Variants in RNF125 observed in about 807,000 individuals in gnomAD.
RNF125 encodes the protein ring finger protein 125.
A neutral mutation model predicts 26.0 loss-of-function variants in RNF125; 21 were observed. The ratio of observed to expected loss-of-function variants is 0.81; its 90% CI spans 0.57 to 1.16. The LOEUF (loss-of-function observed/expected upper bound fraction) is 1.16, where lower values mean the gene tolerates loss of function less well. Among genes scored for constraint, RNF125 ranks in the 50% most tolerant of loss-of-function variants. The pLI is 0.00. For synonymous variants in RNF125, 95 were observed against 109.2 expected, an observed-to-expected ratio of 0.87 and a Z score of 0.81; for missense variants, 270 against 299.4, an observed-to-expected ratio of 0.90 and a Z score of 0.72.
chr18:32,023,921 A>T (rs570021656), intron 1 of RNF125, among the ~76,000 whole-genome samples: 1 of 152,156 alleles, frequency 6.6e-6, no homozygotes, highest in Non-Finnish European at 1.5e-5. Context: ...CAAAAGAGAA[A>T]ACCATATTTT....
intron 1 of RNF125, among the ~76,000 whole-genome samples, chr18:32,021,271 G>A (rs527815649): frequency 5.9e-5 from 9 of 152,270 alleles, no homozygotes; most frequent in Non-Finnish European, 1.2e-4. Flanking sequence ...TAGTAGAGAC[G>A]GGGTTTCACC....
In RNF125 at chr18:32,069,891, GCA is replaced by G. The variant is rs1481372860; in HGVS notation, c.*1510_*1511del. On this transcript the variant is annotated 3_prime_UTR_variant, in exon 6 of 6. Transcript: ENST00000217740. ...GATTGCACACTCATGGCACGGTTCA[GCA>G]CATTGCCCTGTCCTCTCGATATTAG... is the stretch of plus-strand genomic sequence containing the variant. 6.6e-6 allele frequency: 1 copy of G among 152,098 alleles called. No individual in the cohort carries two copies. The highest frequency in any genetic ancestry group is 2.4e-5 in the African/African-American group (1 of 41,390). The allele number at this position is 152,098 out of a possible 1,614,324, so 9.4% of individuals were successfully genotyped here. A position where few individuals can be genotyped will look rare whatever the true frequency, so the allele number is the denominator to read the frequency against.
chr18:32,027,813 G>A (rs539412817), intron 1 of RNF125, among the ~76,000 whole-genome samples: 4 of 152,066 alleles, frequency 2.6e-5, no homozygotes, highest in South Asian at 2.1e-4. Flanking sequence ...ATGCATATGG[G>A]CGTGGGAGTC....
intron 1 of RNF125, among the ~76,000 whole-genome samples, chr18:32,036,710 G>A (rs2039159644): frequency 6.6e-6 from 1 of 151,722 alleles, no homozygotes; most frequent in Non-Finnish European, 1.5e-5. Context: ...TAATGTGTCT[G>A]GTATTTTTAC....
chr18:32,034,258 C>A (rs2039128366), intron 1 of RNF125, among the ~76,000 whole-genome samples: 1 of 152,152 alleles, frequency 6.6e-6, no homozygotes, highest in Admixed American at 6.6e-5. Flanking sequence ...GCAAGTTTAA[C>A]AGACAACCTC....
intron 4 of RNF125, among the ~76,000 whole-genome samples, chr18:32,062,369 C>T (rs1326367440): frequency 3.3e-5 from 5 of 152,208 alleles, no homozygotes; most frequent in African/African-American, 2.4e-5. Context: ...TTGGTCTCAG[C>T]TCTGTTCTCA....
rs1327135323 is a variant in RNF125 at position 32,069,545 on chromosome 18, T to C, written c.*1161T>C. ...CAAAATTTATAGCTGAATGCCTTAT[T>C]ATAAGGAAATACTCTTTTAGGACTC... is the stretch of plus-strand genomic sequence containing the variant. On this transcript the variant is annotated 3_prime_UTR_variant, in exon 6 of 6. Coordinates refer to ENST00000217740, the MANE Select transcript of RNF125 (RefSeq NM_017831.4). The C allele has an allele frequency of 1.3e-5, 2 of 152,262 alleles. No individual in the cohort carries two copies. The highest frequency in any genetic ancestry group is 1.9e-4 in the East Asian group (1 of 5,188). The allele number at this position is 152,262 out of a possible 1,614,324, so 9.4% of individuals were successfully genotyped here.
chr18:32,061,516 C>T (rs940671758), intron 4 of RNF125, among the ~76,000 whole-genome samples: 1 of 152,198 alleles, frequency 6.6e-6, no homozygotes, highest in Non-Finnish European at 1.5e-5. Context: ...TCCCCTACCA[C>T]TTCCCCAACT....
intron 4 of RNF125, among the ~76,000 whole-genome samples, chr18:32,055,056 G>A (rs1023746923): frequency 2.0e-5 from 3 of 152,030 alleles, no homozygotes; most frequent in Non-Finnish European, 4.4e-5. Flanking sequence ...CAGCACTTTG[G>A]GAGGCCGAGC....
chr18:32,047,608 AC>A (rs1250117815), intron 4 of RNF125, among the ~76,000 whole-genome samples: 2 of 152,230 alleles, frequency 1.3e-5, no homozygotes, highest in Non-Finnish European at 2.9e-5. Context: ...CCCTGGCTCA[AC>A]AAATATAAAA....
chr18:32,059,973 CAGG>C (rs918061239), intron 4 of RNF125, among the ~76,000 whole-genome samples: 28 of 152,242 alleles, frequency 1.8e-4, no homozygotes, highest in African/African-American at 6.7e-4. Flanking sequence ...CAGCCTTGGT[CAGG>C]AGATCTTTCC....
intron 4 of RNF125, among the ~76,000 whole-genome samples, chr18:32,062,544 C>T (rs1383607458): frequency 6.6e-6 from 1 of 151,972 alleles, no homozygotes; most frequent in East Asian, 1.9e-4. Flanking sequence ...CGAAGTTGAG[C>T]AAAATTCAGA....
At chr18:32,026,608 G>C (rs1615911) in intron 1 of RNF125, among the ~76,000 whole-genome samples, 1 of 151,898 alleles carries the variant, frequency 6.6e-6, no homozygotes, top group Admixed American at 6.6e-5. Context: ...TTTTTCCCCA[G>C]ACCCTCCCAG....
intron 4 of RNF125, among the ~76,000 whole-genome samples, chr18:32,055,755 C>T (rs907491739): frequency 2.0e-5 from 3 of 151,610 alleles, no homozygotes; most frequent in Non-Finnish European, 2.9e-5. Context: ...CCAAGGTGGG[C>T]GGATCACCTG....
At chr18:32,063,560 C>T (rs764726235) in intron 4 of RNF125, among the ~76,000 whole-genome samples, 1 of 152,186 alleles carries the variant, frequency 6.6e-6, no homozygotes, top group Non-Finnish European at 1.5e-5. Context: ...ACCAGGCAAT[C>T]ACACTCCTGA....
downstream of RNF125, chr18:32,076,141 A>G: frequency 3.5e-6 from 2 of 578,690 alleles, no homozygotes; most frequent in Admixed American, 4.7e-5. Context: ...CAATGTAACC[A>G]TGCTTCATTA....
chr18:32,060,110 A>G (rs2039421085), intron 4 of RNF125, among the ~76,000 whole-genome samples: 1 of 152,254 alleles, frequency 6.6e-6, no homozygotes. Flanking sequence ...AGAAAGAACA[A>G]TAAATGAAGA....
At chr18:32,081,106 A>G in the RNF125 span, among the ~76,000 whole-genome samples, 2 of 151,046 alleles carry the variant, frequency 1.3e-5, no homozygotes, top group African/African-American at 2.4e-5. Flanking sequence ...AGGCAGGAGA[A>G]TCGCTTGCAT....
At chr18:32,033,426 G>A (rs769046911) in intron 1 of RNF125, among the ~76,000 whole-genome samples, 3 of 152,038 alleles carry the variant, frequency 2.0e-5, no homozygotes, top group Admixed American at 6.6e-5. Flanking sequence ...TGCTTGGGAG[G>A]CTGAGGCAGA....
Sources: allele counts gnomAD v4.1 joint callset (sites outside exome capture counted in the v4.1 genomes callset), GRCh38; gene constraint gnomAD v4.1.1; transcripts MANE v1.5; gene names NCBI Gene and HGNC (gene_info 2026-07-23, HGNC 2026-07-21).